Variants in CRISPLD2 observed in about 807,000 individuals in gnomAD.
CRISPLD2 encodes cysteine rich secretory protein LCCL domain containing 2.
A neutral mutation model predicts 71.1 loss-of-function variants in CRISPLD2; 47 were observed. The observed-to-expected ratio is 0.66, with a 90% CI of 0.52 to 0.84. The LOEUF (loss-of-function observed/expected upper bound fraction) is 0.84, where lower values mean the gene tolerates loss of function less well. Among genes scored for constraint, CRISPLD2 ranks in the 40% least tolerant of loss-of-function variants. CRISPLD2 has a pLI of 0.00. For missense variants in CRISPLD2, 830 were observed against 651.1 expected, an observed-to-expected ratio of 1.27 and a Z score of -2.99; for synonymous variants, 317 against 250.1, an observed-to-expected ratio of 1.27 and a Z score of -2.52.
chr16:84,890,590 C>T (rs112493229), intron 14 of CRISPLD2, among the ~76,000 whole-genome samples: 7 of 152,056 alleles, frequency 4.6e-5, no homozygotes, highest in African/African-American at 1.4e-4. Flanking sequence ...TTGCACACAC[C>T]GTGACTGTTT....
intron 3 of CRISPLD2, among the ~76,000 whole-genome samples, chr16:84,846,634 G>T (rs1916921966): frequency 6.6e-6 from 1 of 152,120 alleles, no homozygotes; most frequent in Non-Finnish European, 1.5e-5. Flanking sequence ...TCTGTTCATG[G>T]TGGGTCATTT....
chr16:84,903,103 G>A (rs1226694869), intron 14 of CRISPLD2, among the ~76,000 whole-genome samples: 1 of 152,046 alleles, frequency 6.6e-6, no homozygotes, highest in Admixed American at 6.6e-5. Context: ...GTTTGATGAG[G>A]TGGCACCTAG....
intron 8 of CRISPLD2, 108 bp from the exon 9 acceptor site, chr16:84,872,334 C>A: frequency 2.1e-6 from 2 of 933,202 alleles, no homozygotes; most frequent in Non-Finnish European, 3.4e-6. Flanking sequence ...ATGAATGAAG[C>A]TTTTCTATAT....
chr16:84,847,039 C>T (rs933419167), intron 3 of CRISPLD2, among the ~76,000 whole-genome samples: 3 of 152,360 alleles, frequency 2.0e-5, no homozygotes, highest in Middle Eastern at 3.4e-3. Context: ...CAACCTGTGA[C>T]CGTGCCATGC....
chr16:84,839,221 C>G, intron 2 of CRISPLD2: 1 of 329,590 alleles, frequency 3.0e-6, no homozygotes, highest in South Asian at 2.4e-5. Flanking sequence ...CAAAACAACA[C>G]ACGTGGGTTC....
At chr16:84,905,549 C>G (rs1251916407) in intron 14 of CRISPLD2, among the ~76,000 whole-genome samples, 2 of 151,896 alleles carry the variant, frequency 1.3e-5, no homozygotes, top group Non-Finnish European at 2.9e-5. Context: ...CAGGTGCACA[C>G]CATCATGCCT....
At chr16:84,896,416 A>G (rs557077512) in intron 14 of CRISPLD2, among the ~76,000 whole-genome samples, 11 of 152,316 alleles carry the variant, frequency 7.2e-5, no homozygotes, top group Admixed American at 5.2e-4. Context: ...ACACATACAC[A>G]TATACAGACA....
In CRISPLD2 at chr16:84,873,024, C is replaced by T. The variant is rs1469553303; in HGVS notation, c.1014C>T (p.Tyr338=). Residue 338 remains tyrosine (Y), a synonymous_variant, in exon 10 of 15, where the codon TAC becomes TAT. Transcript: ENST00000262424. ...GCATATGCCGCGCCGCCATCCACTA[C>T]GGGATCCTGGATGACAAGGGAGGCC... ...SSSICRAAIH[Y]GILDDKGGLV... 3.9e-5 allele frequency: 63 copies of T among 1,613,718 alleles called. 1 individual carries two copies. Among genetic ancestry groups the T allele is most frequent in the Admixed American group, 1.0e-4 (6 of 59,968 alleles).
rs1402383642 is a variant in CRISPLD2 at position 84,850,669 on chromosome 16, C to A, written c.594C>A (p.Cys198Ter). 2 of 1,613,276 alleles carry A rather than the reference C, an allele frequency of 1.2e-6. No individual in the cohort carries two copies. The highest frequency in any genetic ancestry group is 2.2e-5 in the South Asian group (2 of 91,060). ...EVWENAVYFVCNYSPKGNWIG... is the reference protein window; with the variant it reads ...EVWENAVYFV ...GGGAGAACGCGGTCTACTTTGTCTGCAATTATTCTCCAAAGTAAGACAAGT... is the reference window on the plus strand; with the variant it reads ...GGGAGAACGCGGTCTACTTTGTCTGAAATTATTCTCCAAAGTAAGACAAGT... Residue 198 changes from cysteine (C) to a stop codon, truncating the protein, a stop_gained, in exon 5 of 15, where the codon TGC (cysteine) becomes TGA (stop). Transcript: ENST00000262424. LOFTEE classifies it high-confidence loss of function.
intron 13 of CRISPLD2, among the ~76,000 whole-genome samples, chr16:84,886,950 T>C (rs2071618745): frequency 6.6e-6 from 1 of 152,206 alleles, no homozygotes; most frequent in African/African-American, 2.4e-5. Flanking sequence ...TGAAACCCTG[T>C]ACCCACTGAA....
rs760108981 is a variant in CRISPLD2 at position 84,849,387 on chromosome 16, A to G, written c.362A>G (p.Tyr121Cys). 3.7e-6 allele frequency: 6 copies of G among 1,612,358 alleles called. No individual in the cohort carries two copies. Among genetic ancestry groups the G allele is most frequent in the Non-Finnish European group, 3.4e-6 (4 of 1,178,752 alleles). The change falls in exon 4 of 15, where the codon TAT becomes TGT. Residue 121 changes from tyrosine to cysteine, a missense_variant and splice_region_variant. Physicochemically the swap from Tyr to Cys is radical, Grantham distance 194. Transcript: ENST00000262424. ...GQNLGAHWGR[Y>C]RSPGFHVQSW... is the part of the protein sequence containing the mutation. The stretch of plus-strand genomic sequence containing the variant: ...AGTGAGCGGTTTCTGCCCTGCAGGT[A>G]TCGCTCTCCGGGGTTCCATGTGCAG...
chr16:84,863,037 C>G (rs1567692271), intron 6 of CRISPLD2: 1 of 152,302 alleles, frequency 6.6e-6, no homozygotes, highest in East Asian at 1.9e-4. Context: ...CTCCAGGGAG[C>G]CTTCCTGGAC....
At chr16:84,869,296 T>C (rs1392556770) in intron 8 of CRISPLD2, among the ~76,000 whole-genome samples, 2 of 152,196 alleles carry the variant, frequency 1.3e-5, no homozygotes, top group African/African-American at 4.8e-5. Context: ...TTCTTTGTGG[T>C]AGTAAACAGC....
chr16:84,888,039 G>A (rs1314666720), intron 13 of CRISPLD2, among the ~76,000 whole-genome samples: 3 of 152,224 alleles, frequency 2.0e-5, no homozygotes, highest in Admixed American at 2.0e-4. Flanking sequence ...CACAGACGTG[G>A]TGGCTTAAAG....
intron 5 of CRISPLD2, among the ~76,000 whole-genome samples, chr16:84,854,166 G>T (rs781248399): frequency 1.3e-5 from 2 of 152,182 alleles, no homozygotes; most frequent in African/African-American, 4.8e-5. Context: ...CTGTGACCTG[G>T]GGCAAGTCAC....
intron 5 of CRISPLD2, among the ~76,000 whole-genome samples, chr16:84,853,772 A>G (rs561450900): frequency 2.0e-5 from 3 of 152,334 alleles, no homozygotes; most frequent in South Asian, 4.1e-4. Flanking sequence ...TGCCGGTCCA[A>G]GGGCTTCCCC....
rs748718132 is a variant in CRISPLD2 at position 84,838,718 on chromosome 16, T to G, written c.223T>G (p.Ser75Ala). 55 of 1,613,532 alleles carry G rather than the reference T, an allele frequency of 3.4e-5. No individual in the cohort carries two copies. Among genetic ancestry groups the G allele is most frequent in the Non-Finnish European group, 4.5e-5 (53 of 1,179,962 alleles). Reference sequence around the variant, plus strand: ...TCGGGGCCAGGTGCAGCCTCAGGCCTCCAACATGGAGTACATGGTGAGCGC... The same window carrying G: ...TCGGGGCCAGGTGCAGCCTCAGGCCGCCAACATGGAGTACATGGTGAGCGC... ...KLRGQVQPQA[S>A]NMEYMTWDDE... Residue 75 changes from serine (S) to alanine (A), a missense_variant, in exon 2 of 15, where the codon TCC becomes GCC. Coordinates refer to ENST00000262424, the MANE Select transcript of CRISPLD2 (RefSeq NM_031476.4).
At chr16:84,823,556 G>A (rs528697264) in intron 1 of CRISPLD2, among the ~76,000 whole-genome samples, 35 of 152,316 alleles carry the variant, frequency 2.3e-4, no homozygotes, top group Middle Eastern at 6.8e-3. Context: ...CAGTGTTGGC[G>A]TGCCACCTGG....
intron 14 of CRISPLD2, among the ~76,000 whole-genome samples, chr16:84,902,865 T>A (rs929173936): frequency 7.4e-6 from 1 of 135,442 alleles, no homozygotes; most frequent in Non-Finnish European, 1.5e-5. Context: ...CTCCACCTCC[T>A]GGGTTCAAGC....
Sources: allele counts gnomAD v4.1 joint callset (sites outside exome capture counted in the v4.1 genomes callset), GRCh38; gene constraint gnomAD v4.1.1; transcripts MANE v1.5; gene names NCBI Gene and HGNC (gene_info 2026-07-23, HGNC 2026-07-21).